PCLO: variants seen among roughly 807,000 people sequenced by gnomAD.
PCLO encodes piccolo presynaptic cytomatrix protein, also known as protein piccolo.
A neutral mutation model predicts 427.5 loss-of-function variants in PCLO; 82 were observed. That is an observed-to-expected ratio of 0.19 (90% CI 0.16 to 0.23). The LOEUF is 0.23. Among genes scored for constraint, PCLO ranks in the 10% least tolerant of loss-of-function variants. PCLO has a pLI of 1.00. For missense variants in PCLO, 6,239 were observed against 6,115.9 expected (o/e 1.02, Z -0.67); for synonymous variants, 2,357 against 2,155.4 (o/e 1.09, Z -2.59).
chr7:82,794,449 A>ATT, intron 22 of PCLO, among the ~76,000 whole-genome samples: 1 of 51,330 alleles, frequency 1.9e-5, no homozygotes, highest in Non-Finnish European at 6.3e-5. Flanking sequence ...CTAGTTCATA[A>ATT]ATTTTTTTTC....
At chr7:83,158,755 T>C (rs1010817068) in intron 1 of PCLO, among the ~76,000 whole-genome samples, 4 of 152,034 alleles carry the variant, frequency 2.6e-5, no homozygotes, top group Admixed American at 6.5e-5. Context: ...TGTACTTTAC[T>C]ATAGAATCCC....
chr7:83,082,399 G>C (rs1790124125), intron 3 of PCLO, among the ~76,000 whole-genome samples: 1 of 151,630 alleles, frequency 6.6e-6, no homozygotes, highest in Non-Finnish European at 1.5e-5. Flanking sequence ...TTAATTTATA[G>C]ATTCAAGTCA....
chr7:83,040,502 C>A (rs1325623262), intron 3 of PCLO, among the ~76,000 whole-genome samples: 1 of 152,116 alleles, frequency 6.6e-6, no homozygotes, highest in Non-Finnish European at 1.5e-5. Context: ...CGAATTTGAG[C>A]TTCTTTGCAG....
chr7:82,787,244 A>G (rs968976730), intron 22 of PCLO, among the ~76,000 whole-genome samples: 10 of 151,860 alleles, frequency 6.6e-5, no homozygotes, highest in Non-Finnish European at 1.2e-4. Flanking sequence ...CCTCTCCAGC[A>G]TCTGTTGTTT....
At chr7:83,072,604 T>C (rs944867200) in intron 3 of PCLO, among the ~76,000 whole-genome samples, 2 of 152,058 alleles carry the variant, frequency 1.3e-5, no homozygotes, top group African/African-American at 4.8e-5. Context: ...TTGGCCATAT[T>C]ACCTCATTTT....
chr7:83,142,153 G>A (rs1791878379), intron 2 of PCLO, among the ~76,000 whole-genome samples: 1 of 151,674 alleles, frequency 6.6e-6, no homozygotes, highest in Admixed American at 6.6e-5. Context: ...TATGATCTCT[G>A]CTCAATTACA....
At chr7:83,014,591 CAA>C (rs1301109983) in intron 3 of PCLO, among the ~76,000 whole-genome samples, 1 of 151,316 alleles carries the variant, frequency 6.6e-6, no homozygotes, top group East Asian at 1.9e-4. Context: ...TTCAACATTG[CAA>C]TATAGAATGA....
chr7:83,001,136 A>C lies in PCLO; in HGVS notation c.3301-34649T>G, dbSNP rs1308046784. Among the ~76,000 whole-genome samples, 3 of 152,064 alleles carry C rather than the reference A, an allele frequency of 2.0e-5. No homozygotes were observed. In the East Asian group the frequency reaches 5.8e-4, roughly 29 times the overall value. ...TTCTATAACATCAAATAAAATAAAA[A>C]TTTGACAAACTTACTGCAGACACAT... On this transcript the variant is annotated intron_variant, in intron 3 of 24. Coordinates refer to ENST00000333891, the MANE Select transcript of PCLO (RefSeq NM_033026.6).
At position 83,162,814 on chromosome 7, in the gene PCLO, GC is replaced by G; in HGVS notation, c.-223del. The G allele has an allele frequency of 1.7e-6, 1 of 592,724 alleles. No homozygotes were observed. Among genetic ancestry groups the G allele is most frequent in the Non-Finnish European group, 2.9e-6 (1 of 348,154 alleles). The allele number at this position is 592,724 out of a possible 1,614,324, so 36.7% of individuals were successfully genotyped here. A position where few individuals can be genotyped will look rare whatever the true frequency, so the allele number is the denominator to read the frequency against. ...CGGTGCCTCCTCCATGTTGGACAGC[GC>G]CAGGCAACCTTTGCAGAAGACACCT... is the stretch of plus-strand genomic sequence containing the variant. On this transcript the variant is annotated 5_prime_UTR_variant, in exon 1 of 25. Transcript: ENST00000333891.
chr7:83,029,338 C>G (rs1198182470), intron 3 of PCLO, among the ~76,000 whole-genome samples: 1 of 151,594 alleles, frequency 6.6e-6, no homozygotes, highest in Non-Finnish European at 1.5e-5. Flanking sequence ...GACATTTATG[C>G]AGCAAAAAAA....
At chr7:83,029,342 A>C (rs368429594) in intron 3 of PCLO, among the ~76,000 whole-genome samples, 66 of 151,870 alleles carry the variant, frequency 4.3e-4, no homozygotes, top group South Asian at 2.3e-3. Context: ...TTTATGCAGC[A>C]AAAAAACACA....
rs767456374 is a variant in PCLO, at chr7:82,950,188, C to T, written c.10400G>A (p.Ser3467Asn). The change falls in exon 6 of 25, where the codon AGT becomes AAT. Residue 3467 changes from serine (S) to asparagine (N), a missense_variant. By Grantham distance (46) the Ser-to-Asn change is conservative. Coordinates refer to ENST00000333891, the MANE Select transcript of PCLO (RefSeq NM_033026.6). ...YVSRRRRTKK[S>N]VDTSVQTDDE... Reference sequence around the variant, plus strand: ...ATCAGTTTGGACGCTTGTATCCACACTCTTTTTAGTTCTCCTTCTCCTACT... The same window carrying T: ...ATCAGTTTGGACGCTTGTATCCACATTCTTTTTAGTTCTCCTTCTCCTACT... 9 of 1,611,734 alleles carry T rather than the reference C, an allele frequency of 5.6e-6. No homozygotes were observed. The African/African-American group carries it at 8.1e-5, about 15-fold the overall frequency.
At chr7:83,022,124 G>A (rs953534740) in intron 3 of PCLO, among the ~76,000 whole-genome samples, 1 of 152,026 alleles carries the variant, frequency 6.6e-6, no homozygotes, top group Non-Finnish European at 1.5e-5. Context: ...TCATGAATGG[G>A]ATTAGTGCCC....
At chr7:82,978,853 C>CAA (rs1257343398) in intron 3 of PCLO, among the ~76,000 whole-genome samples, 3 of 90,744 alleles carry the variant, frequency 3.3e-5, no homozygotes, top group African/African-American at 1.5e-4. Context: ...CACACACACA[C>CAA]ACAAACACAC....
At chr7:82,948,152 A>G (rs1037221872) in intron 6 of PCLO, among the ~76,000 whole-genome samples, 1 of 152,056 alleles carries the variant, frequency 6.6e-6, no homozygotes, top group Non-Finnish European at 1.5e-5. Flanking sequence ...TAATAGATTA[A>G]ATTCTGGAAA....
chr7:82,826,758 C>G, intron 17 of PCLO, 98 bp from the exon 18 acceptor site: 1 of 610,532 alleles, frequency 1.6e-6, no homozygotes, highest in Non-Finnish European at 2.7e-6. Context: ...TCCTTAAACT[C>G]CTTCCATTTA....
chr7:82,931,005 GTTAAGAGCCTT>G (rs1794827453), intron 6 of PCLO, among the ~76,000 whole-genome samples: 1 of 152,138 alleles, frequency 6.6e-6, no homozygotes, highest in Admixed American at 6.6e-5. Context: ...AAGAAAACAA[GTTAAGAGCCTT>G]TTAGTGGTCC....
At chr7:82,846,691 A>C in intron 11 of PCLO, 57 bp from the exon 12 acceptor site, 1 of 1,178,456 alleles carries the variant, frequency 8.5e-7, no homozygotes, top group Non-Finnish European at 1.2e-6. Context: ...GACAAAGAGC[A>C]CTTTTTTCCA....
intron 6 of PCLO, among the ~76,000 whole-genome samples, chr7:82,938,231 G>C (rs542706719): frequency 6.6e-6 from 1 of 151,968 alleles, no homozygotes; most frequent in African/African-American, 2.4e-5. Flanking sequence ...TTTCATTGTT[G>C]TAAAGTGAAA....
Sources: allele counts gnomAD v4.1 joint callset (sites outside exome capture counted in the v4.1 genomes callset), GRCh38; gene constraint gnomAD v4.1.1; transcripts MANE v1.5; gene names NCBI Gene and HGNC (gene_info 2026-07-23, HGNC 2026-07-21).